SYNE2: variants seen among roughly 807,000 people sequenced by gnomAD.
The protein encoded by SYNE2 is nesprin-2.
In SYNE2, 431 loss-of-function variants were observed where a neutral mutation model predicts 856.3. The observed-to-expected ratio is 0.50, with a 90% CI of 0.47 to 0.55. The LOEUF is 0.55. Among genes scored for constraint, SYNE2 ranks in the 20% least tolerant of loss-of-function variants. The pLI, the probability that SYNE2 is intolerant of heterozygous loss-of-function variation, is 0.00. For synonymous variants in SYNE2, 2,923 were observed against 2,872.3 expected (o/e 1.02, Z -0.56); for missense variants, 8,129 against 8,023.2 (o/e 1.01, Z -0.50).
chr14:64,152,674 A>G lies in SYNE2; in HGVS notation c.15750A>G (p.Arg5250=). Residue 5250 remains arginine (R), a synonymous_variant, in exon 85 of 116, where the codon CGA becomes CGG. Coordinates refer to ENST00000555002, the MANE Select transcript of SYNE2 (RefSeq NM_182914.3). Reference sequence around the variant, plus strand: ...CATTGTTAGAAGATACAGCATCCCGAATTGATGAGTTATTTCAAAAGAGAA... The same window carrying G: ...CATTGTTAGAAGATACAGCATCCCGGATTGATGAGTTATTTCAAAAGAGAA... ...AVPLLEDTAS[R]IDELFQKRSS... 1.2e-6 allele frequency: 2 copies of G among 1,614,108 alleles called. No homozygotes were observed. The highest frequency in any genetic ancestry group is 1.7e-6 in the Non-Finnish European group (2 of 1,180,002).
Position 64,137,988 on chromosome 14 carries a change from G to C in SYNE2, c.14843+5G>C. 1 of 1,611,988 alleles carries C rather than the reference G, an allele frequency of 6.2e-7. No individual in the cohort carries two copies. The highest frequency in any genetic ancestry group is 2.2e-5 in the East Asian group (1 of 44,746). ...TCTTCTCAAGCATCTGCTCAGGTCAGCCTTTTTGGGGGTGGATTGGCTTCA... is the reference window on the plus strand; with the variant it reads ...TCTTCTCAAGCATCTGCTCAGGTCACCCTTTTTGGGGGTGGATTGGCTTCA... On this transcript the variant is annotated splice_donor_5th_base_variant and intron_variant, in intron 79 of 115. Transcript: ENST00000555002.
intron 68 of SYNE2, 32 bp from the exon 69 acceptor site, chr14:64,121,980 G>GCC: frequency 6.2e-7 from 1 of 1,612,288 alleles, no homozygotes; most frequent in Non-Finnish European, 8.5e-7. Context: ...AAGCTTGATG[G>GCC]ATTGGACCAT....
At chr14:64,074,393 A>G (rs1432676109) in intron 53 of SYNE2, among the ~76,000 whole-genome samples, 3 of 152,222 alleles carry the variant, frequency 2.0e-5, no homozygotes, top group Non-Finnish European at 4.4e-5. Flanking sequence ...TCTTTCAACT[A>G]TGTTTCCAGT....
intron 18 of SYNE2, 130 bp downstream of exon 18, chr14:63,984,016 T>A (rs2096606091): frequency 4.6e-6 from 3 of 655,298 alleles, no homozygotes; most frequent in South Asian, 3.9e-5. Flanking sequence ...ACAAAACAGG[T>A]GGATGGCTTG....
chr14:63,969,099 C>T (rs1487245081), intron 11 of SYNE2, among the ~76,000 whole-genome samples: 1 of 151,800 alleles, frequency 6.6e-6, no homozygotes, highest in South Asian at 2.1e-4. Context: ...TCTTTCTGTG[C>T]CTAGCTTATT....
At chr14:63,894,528 AATAAC>A (rs1242340515) in intron 1 of SYNE2, among the ~76,000 whole-genome samples, 1 of 152,066 alleles carries the variant, frequency 6.6e-6, no homozygotes, top group Non-Finnish European at 1.5e-5. Flanking sequence ...GCCATTATAA[AATAAC>A]ATGTGTTTGC....
rs1403336820 is a variant in SYNE2, at chr14:63,991,035, G to A, written c.2566G>A (p.Glu856Lys). The A allele has an allele frequency of 6.2e-7, 1 of 1,614,018 alleles. No homozygotes were observed. The highest frequency in any genetic ancestry group is 1.3e-5 in the African/African-American group (1 of 74,924). Reference sequence around the variant, plus strand: ...GCTGAAGATGGAAGAATCCCAGAAGGAACTTGAATCATATATGATGAGGGC... The same window carrying A: ...GCTGAAGATGGAAGAATCCCAGAAGAAACTTGAATCATATATGATGAGGGC... The part of the protein sequence containing the change: ...IRLKMEESQK[E>K]LESYMMRAQQ... Residue 856 changes from glutamate to lysine, a missense_variant, in exon 21 of 116, where the codon GAA becomes AAA. Physicochemically the swap from Glu to Lys is moderately conservative, Grantham distance 56. Transcript: ENST00000555002.
At chr14:63,883,862 ATTTTTTT>A (rs34392423) in intron 1 of SYNE2, among the ~76,000 whole-genome samples, 3 of 130,512 alleles carry the variant, frequency 2.3e-5, no homozygotes, top group Non-Finnish European at 3.2e-5. Context: ...AAGCTGGTGA[ATTTTTTT>A]TTTTTTTTTT....
chr14:64,027,660 A>T lies in SYNE2; in HGVS notation c.6581A>T (p.Asp2194Val). The T allele has an allele frequency of 6.2e-7, 1 of 1,614,148 alleles. No individual in the cohort carries two copies. Among genetic ancestry groups the T allele is most frequent in the East Asian group, 2.2e-5 (1 of 44,862 alleles). Residue 2194 changes from aspartate to valine, a missense_variant, in exon 43 of 116, where the codon GAT becomes GTT. This residue lies in a region of SYNE2 where 297 missense variants were observed against 380.9 expected (regional missense o/e 0.78). Coordinates refer to ENST00000555002, the MANE Select transcript of SYNE2 (RefSeq NM_182914.3). ...AAGAAATTCCTCAAGAAAGCCCAAG[A>T]TTTGACATCCTTGCTAAAGGAGTTA... ...IYKKFLKKAQDLTSLLKELKS... is the reference protein window; with the variant it reads ...IYKKFLKKAQVLTSLLKELKS...
Position 64,146,148 on chromosome 14 carries a change from A to C in SYNE2, c.15564A>C (p.Ala5188=). 1 of 1,612,464 alleles carries C rather than the reference A, an allele frequency of 6.2e-7. No individual in the cohort carries two copies. Among genetic ancestry groups the C allele is most frequent in the African/African-American group, 1.3e-5 (1 of 75,008 alleles). ...AGATCTTGAACAACTGGCTGGAAGC[A>C]CAAGAAGAGAGACTGAAAACTTTAC... ...KIQILNNWLE[A]QEERLKTLQK... is the part of the protein sequence containing the mutation. Residue 5188 remains alanine (A), a synonymous_variant, in exon 84 of 116, where the codon GCA becomes GCC. Coordinates refer to ENST00000555002, the MANE Select transcript of SYNE2 (RefSeq NM_182914.3).
chr14:64,153,606 C>T (rs185406937), intron 85 of SYNE2, among the ~76,000 whole-genome samples: 12 of 152,288 alleles, frequency 7.9e-5, no homozygotes, highest in Admixed American at 4.6e-4. Flanking sequence ...TAGAGATGAG[C>T]TTATTCAGTC....
In SYNE2 at chr14:64,098,749, G is replaced by A. The variant is rs770516465; in HGVS notation, c.12309G>A (p.Leu4103=). Residue 4103 remains leucine (L), a splice_region_variant and synonymous_variant, in exon 63 of 116, where the codon TTG becomes TTA. Transcript: ENST00000555002. The part of the protein sequence containing the change: ...VAERDASERK[L]NRRGSMSYLA... The stretch of plus-strand genomic sequence containing the variant: ...TATTCTTGTGCTGTGCCTTTCAGTT[G>A]AACAGAAGAGGCTCCATGTCTTACC... The A allele has an allele frequency of 1.2e-6, 2 of 1,613,958 alleles. No individual in the cohort carries two copies. Among genetic ancestry groups the A allele is most frequent in the East Asian group, 2.2e-5 (1 of 44,878 alleles).
At chr14:63,763,419 CAG>C (rs1280263826) in intron 1 of SYNE2, among the ~76,000 whole-genome samples, 1 of 151,444 alleles carries the variant, frequency 6.6e-6, no homozygotes, top group Non-Finnish European at 1.5e-5. Flanking sequence ...TTTCAAGAGA[CAG>C]AGTCTCTGCC....
chr14:64,041,518 C>T lies in SYNE2; in HGVS notation c.7222-6482C>T, dbSNP rs182479040. 4.6e-5 allele frequency among the ~76,000 whole-genome samples: 7 copies of T among 152,150 alleles called. No individual in the cohort carries two copies. In the East Asian group the frequency reaches 7.7e-4, roughly 17 times the overall value. On this transcript the variant is annotated intron_variant, in intron 45 of 115. Transcript: ENST00000555002. Reference sequence around the variant, plus strand: ...GGACAGTGGATATGCAAAAGCAGTTCGCAGAAGGCAGGACTCGTATGTCCA... The same window carrying T: ...GGACAGTGGATATGCAAAAGCAGTTTGCAGAAGGCAGGACTCGTATGTCCA...
At chr14:63,960,404 T>G (rs1300110452) in intron 8 of SYNE2, among the ~76,000 whole-genome samples, 1 of 152,200 alleles carries the variant, frequency 6.6e-6, no homozygotes, top group Non-Finnish European at 1.5e-5. Context: ...TCTCCTAACC[T>G]TAAACTCCTT....
intron 95 of SYNE2, among the ~76,000 whole-genome samples, chr14:64,176,158 G>A: frequency 6.6e-6 from 1 of 152,144 alleles, no homozygotes; most frequent in East Asian, 1.9e-4. Context: ...TTGTAGGTTT[G>A]TATAGTTTTA....
chr14:63,876,249 C>G (rs1397479308), intron 1 of SYNE2, among the ~76,000 whole-genome samples: 1 of 117,702 alleles, frequency 8.5e-6, no homozygotes. Flanking sequence ...TCTATCTCTA[C>G]AAAAAAAAAA....
chr14:64,183,097 G>C (rs1335631176), intron 96 of SYNE2, among the ~76,000 whole-genome samples: 1 of 148,516 alleles, frequency 6.7e-6, no homozygotes, highest in Non-Finnish European at 1.5e-5. Flanking sequence ...CTGCCGGGCG[G>C]AGGGGCTCCT....
At chr14:64,013,323 A>ATTT (rs57074861) in intron 32 of SYNE2, among the ~76,000 whole-genome samples, 5 of 136,280 alleles carry the variant, frequency 3.7e-5, no homozygotes, top group Admixed American at 7.3e-5. Flanking sequence ...TCCTCATTAA[A>ATTT]TTTTTTTTTT....
Sources: allele counts gnomAD v4.1 joint callset (sites outside exome capture counted in the v4.1 genomes callset), GRCh38; gene constraint gnomAD v4.1.1; regional missense constraint gnomAD v4.1.1; transcripts MANE v1.5; gene names NCBI Gene and HGNC (gene_info 2026-07-23, HGNC 2026-07-21).